The following ANKS1A variants were observed in gnomAD, a reference collection of about 807,000 sequenced individuals.
The protein encoded by ANKS1A is ankyrin repeat and sterile alpha motif domain containing 1A.
ANKS1A carries 55 observed loss-of-function variants against 120.3 expected under a neutral mutation model. That is an observed-to-expected ratio of 0.46 (90% CI 0.37 to 0.57). The LOEUF is 0.57. ANKS1A is among the 20% of genes least tolerant of loss of function. The pLI is 0.00. For missense variants in ANKS1A, 1,123 were observed against 1,480.3 expected (o/e 0.76, Z 3.96); for synonymous variants, 590 against 604.7 (o/e 0.98, Z 0.36).
Position 34,996,010 on chromosome 6 carries a change from A to G in ANKS1A, c.1423+1588A>G, listed in dbSNP as rs191517407. 1.7e-4 allele frequency among the ~76,000 whole-genome samples: 26 copies of G among 152,282 alleles called. No homozygotes were observed. In the East Asian group the frequency reaches 2.7e-3, roughly 16 times the overall value. ...TAACTTTATAGGAAACTGCCAAACT[A>G]TTTTCCAGAGTGATTATACCATTTT... On this transcript the variant is annotated intron_variant, in intron 10 of 23. Transcript: ENST00000360359.
chr6:34,895,305 T>C (rs1767018136), intron 1 of ANKS1A, among the ~76,000 whole-genome samples: 1 of 151,866 alleles, frequency 6.6e-6, no homozygotes, highest in Admixed American at 6.6e-5. Flanking sequence ...TGCCTCATCC[T>C]CCTGAGCTAT....
intron 11 of ANKS1A, among the ~76,000 whole-genome samples, chr6:35,025,413 G>T (rs1774570929): frequency 6.6e-6 from 1 of 152,036 alleles, no homozygotes; most frequent in African/African-American, 2.4e-5. Flanking sequence ...GACTGGTGAT[G>T]AGAAAACTGG....
intron 1 of ANKS1A, among the ~76,000 whole-genome samples, chr6:34,936,297 A>G (rs951889129): frequency 2.6e-5 from 4 of 152,142 alleles, no homozygotes; most frequent in Non-Finnish European, 4.4e-5. Context: ...TCACTGAGGT[A>G]GAGACTCTGA....
At chr6:35,048,852 G>A (rs1236606977) in intron 11 of ANKS1A, among the ~76,000 whole-genome samples, 2 of 152,182 alleles carry the variant, frequency 1.3e-5, no homozygotes, top group Non-Finnish European at 2.9e-5. Flanking sequence ...AGGAGGCTGC[G>A]GCTCAGTCGC....
chr6:35,080,951 G>T, intron 16 of ANKS1A, 43 bp from the exon 17 acceptor site: 1 of 1,594,920 alleles, frequency 6.3e-7, no homozygotes, highest in Non-Finnish European at 8.6e-7. Flanking sequence ...GTCGGGCACT[G>T]GGCCGAGGGT....
In ANKS1A at chr6:35,084,715, G is replaced by A. The variant is rs1396688284; in HGVS notation, c.3132+457G>A. 1.3e-5 allele frequency among the ~76,000 whole-genome samples: 2 copies of A among 152,170 alleles called. No homozygotes were observed. The highest frequency in any genetic ancestry group is 2.9e-5 in the Non-Finnish European group (2 of 68,028). ...CCCTAGGTCTCCAACCTCTGGCTGG[G>A]CCGCCTCCCAGAAATGCCCTCTACT... On this transcript the variant is annotated intron_variant, in intron 21 of 23. Transcript: ENST00000360359. This position sits in a 1 kb window ranked among gnomAD's most constrained non-coding sequence, Gnocchi z 4.8.
chr6:34,977,527 A>G (rs1771666264), intron 3 of ANKS1A, among the ~76,000 whole-genome samples: 1 of 151,850 alleles, frequency 6.6e-6, no homozygotes, highest in African/African-American at 2.4e-5. Flanking sequence ...CTGTATTTTA[A>G]TTATTTGCTT....
intron 1 of ANKS1A, among the ~76,000 whole-genome samples, chr6:34,944,001 T>C (rs775195267): frequency 4.6e-5 from 7 of 152,102 alleles, no homozygotes; most frequent in South Asian, 2.1e-4. Context: ...AGGCTGGGCG[T>C]GGTGGCTCAC....
At chr6:34,999,802 G>A (rs1005131577) in intron 10 of ANKS1A, among the ~76,000 whole-genome samples, 14 of 152,098 alleles carry the variant, frequency 9.2e-5, no homozygotes, top group South Asian at 6.3e-4. Flanking sequence ...CAGCATAAGC[G>A]GCTGGCAGAG....
chr6:34,910,163 G>C (rs781721812), intron 1 of ANKS1A, among the ~76,000 whole-genome samples: 2 of 152,236 alleles, frequency 1.3e-5, no homozygotes, highest in African/African-American at 4.8e-5. Flanking sequence ...GTACCAGTGA[G>C]TATGAAGAGG....
chr6:34,890,059 G>A (rs755700553), intron 1 of ANKS1A, among the ~76,000 whole-genome samples: 197 of 152,044 alleles, frequency 1.3e-3, no homozygotes, highest in Non-Finnish European at 1.3e-3. Flanking sequence ...GAGGAACTTG[G>A]AACCTTCCAC....
chr6:35,009,124 C>T (rs1773611096), intron 10 of ANKS1A, among the ~76,000 whole-genome samples: 1 of 152,112 alleles, frequency 6.6e-6, no homozygotes, highest in South Asian at 2.1e-4. Context: ...CCACGCTTCA[C>T]AAATATACAA....
In ANKS1A at chr6:35,054,091, C is replaced by T. The variant is rs980605758; in HGVS notation, c.2011-8C>T. ...TGCCTCTCCTCTTTGTTCTTTCTTC[C>T]ATTTCAGATTGAGAAAATCATGAGT... On this transcript the variant is annotated splice_polypyrimidine_tract_variant and splice_region_variant and intron_variant, in intron 11 of 23. Coordinates refer to ENST00000360359, the MANE Select transcript of ANKS1A (RefSeq NM_015245.3). 24 of 1,613,066 alleles carry T rather than the reference C, an allele frequency of 1.5e-5. No individual in the cohort carries two copies. The highest frequency in any genetic ancestry group is 1.9e-5 in the Non-Finnish European group (22 of 1,179,254).
chr6:34,889,636 C>A lies in ANKS1A; in HGVS notation c.197+37C>A. On this transcript the variant is annotated intron_variant, in intron 1 of 23. Coordinates refer to ENST00000360359, the MANE Select transcript of ANKS1A (RefSeq NM_015245.3). The surrounding 1 kb of genome is among the most constrained non-coding windows in gnomAD (Gnocchi z 5.5). ...CCAGGGCCGGGCCGCTGCCTGCAGA[C>A]CCTTTCTCCCCCACCCGTCTCTTGG... 2.4e-6 allele frequency: 3 copies of A among 1,268,946 alleles called. No individual in the cohort carries two copies. Among genetic ancestry groups the A allele is most frequent in the Non-Finnish European group, 3.0e-6 (3 of 1,009,598 alleles). The allele number at this position is 1,268,946 out of a possible 1,614,324, so 78.6% of individuals were successfully genotyped here. A position where few individuals can be genotyped will look rare whatever the true frequency, so the allele number is the denominator to read the frequency against.
Position 35,085,279 on chromosome 6 carries a change from T to A in ANKS1A, c.3133-487T>A, listed in dbSNP as rs1777902824. Reference sequence around the variant, plus strand: ...CAGTGGCATTTACCTGTTGCTGACTTTTCCCACATACACTCAGTTCTGCTG... The same window carrying A: ...CAGTGGCATTTACCTGTTGCTGACTATTCCCACATACACTCAGTTCTGCTG... On this transcript the variant is annotated intron_variant, in intron 21 of 23. Coordinates refer to ENST00000360359, the MANE Select transcript of ANKS1A (RefSeq NM_015245.3). The surrounding 1 kb of genome is among the most constrained non-coding windows in gnomAD (Gnocchi z 4.7). Among the ~76,000 whole-genome samples the A allele has an allele frequency of 6.6e-6, 1 of 152,152 alleles. No individual in the cohort carries two copies. Among genetic ancestry groups the A allele is most frequent in the African/African-American group, 2.4e-5 (1 of 41,428 alleles).
intron 14 of ANKS1A, 45 bp from the exon 15 acceptor site, chr6:35,079,471 T>C: frequency 6.2e-7 from 1 of 1,608,646 alleles, no homozygotes; most frequent in Non-Finnish European, 8.5e-7. Flanking sequence ...GTCCCTCTCC[T>C]GTGAGTGCTG....
chr6:34,941,652 T>C (rs1391671546), intron 1 of ANKS1A, among the ~76,000 whole-genome samples: 1 of 152,234 alleles, frequency 6.6e-6, no homozygotes, highest in African/African-American at 2.4e-5. Flanking sequence ...AATGAACATA[T>C]AGCTTCTCTT....
At position 35,090,183 on chromosome 6, in the gene ANKS1A, G is replaced by C; in HGVS notation, c.*1574G>C. 1 of 1,289,458 alleles carries C rather than the reference G, an allele frequency of 7.8e-7. No individual in the cohort carries two copies. The highest frequency in any genetic ancestry group is 1.0e-6 in the Non-Finnish European group (1 of 988,892). 79.9% of individuals were successfully genotyped at this position (1,289,458 alleles called of 1,614,324 possible). On this transcript the variant is annotated 3_prime_UTR_variant, in exon 24 of 24. Coordinates refer to ENST00000360359, the MANE Select transcript of ANKS1A (RefSeq NM_015245.3). ...CCTCCACTTCTTGGTACTAAACGAA[G>C]ATCTCGACACCTTGCAGTTTTACTT...
chr6:34,964,845 A>G (rs375309416), intron 1 of ANKS1A, among the ~76,000 whole-genome samples: 1 of 152,224 alleles, frequency 6.6e-6, no homozygotes, highest in South Asian at 2.1e-4. Context: ...TTAAACTCAT[A>G]CCAGTGGTGT....
Sources: gnomAD v4.1 joint callset for allele counts (sites outside exome capture counted in the v4.1 genomes callset) on GRCh38, gnomAD v4.1.1 for gene constraint, Gnocchi (gnomAD v3.1) non-coding constraint, MANE v1.5 for transcripts, NCBI Gene and HGNC (gene_info 2026-07-23, HGNC 2026-07-21) for gene names.